Variants in ZNF804A observed in about 807,000 individuals in gnomAD.
ZNF804A encodes zinc finger protein 804A.
A neutral mutation model predicts 16.5 loss-of-function variants in ZNF804A; 2 were observed. The observed-to-expected ratio is 0.12, with a 90% CI of 0.05 to 0.38. ZNF804A has a LOEUF of 0.38. Ranked by LOEUF, ZNF804A falls within the 10% of genes least tolerant of loss-of-function variation. The pLI is 0.99. For missense variants in ZNF804A, 1,473 were observed against 1,390.7 expected (o/e 1.06, Z -0.94); for synonymous variants, 534 against 489.6 (o/e 1.09, Z -1.20).
At chr2:184,915,579 G>A (rs56280129) in intron 2 of ZNF804A, among the ~76,000 whole-genome samples, 82 of 152,206 alleles carry the variant, frequency 5.4e-4, no homozygotes, top group African/African-American at 2.0e-3. Flanking sequence ...GTATTCATGA[G>A]CACTTACAAT....
At position 184,894,227 on chromosome 2, in the gene ZNF804A, T is replaced by A. The variant is rs180690551; in HGVS notation, c.255+27715T>A. 3.9e-5 allele frequency among the ~76,000 whole-genome samples: 6 copies of A among 152,222 alleles called. No homozygotes were observed. In the East Asian group the frequency reaches 1.2e-3, roughly 29 times the overall value. On this transcript the variant is annotated intron_variant, in intron 2 of 3. Transcript: ENST00000302277. ...ACAAAACACTGATGCTGCATTAAGCTTTACTCGGTGAAGGGGTATGCCAAC... is the reference window on the plus strand; with the variant it reads ...ACAAAACACTGATGCTGCATTAAGCATTACTCGGTGAAGGGGTATGCCAAC...
At chr2:184,690,530 G>A (rs1382745575) in intron 1 of ZNF804A, among the ~76,000 whole-genome samples, 1 of 152,026 alleles carries the variant, frequency 6.6e-6, no homozygotes, top group African/African-American at 2.4e-5. Flanking sequence ...TAACCTAGAA[G>A]AGAAATTCTA....
chr2:184,933,815 A>T, intron 3 of ZNF804A, 82 bp downstream of exon 3: 1 of 1,384,430 alleles, frequency 7.2e-7, no homozygotes, highest in South Asian at 1.3e-5. Flanking sequence ...AAAGGGCACA[A>T]ATCTATTTAT....
chr2:184,754,824 G>C (rs1268033069), intron 1 of ZNF804A, among the ~76,000 whole-genome samples: 1 of 151,660 alleles, frequency 6.6e-6, no homozygotes, highest in Non-Finnish European at 1.5e-5. Context: ...AAGTATTCTA[G>C]AAATAGTCTA....
At position 184,937,367 on chromosome 2, in the gene ZNF804A, TAA is replaced by T; in HGVS notation, c.1974_1975del (p.Arg659AlafsTer10). 6.2e-7 allele frequency: 1 copy of T among 1,613,692 alleles called. No homozygotes were observed. Among genetic ancestry groups the T allele is most frequent in the Non-Finnish European group, 8.5e-7 (1 of 1,179,854 alleles). On this transcript the variant is annotated frameshift_variant, in exon 4 of 4. Coordinates refer to ENST00000302277, the MANE Select transcript of ZNF804A (RefSeq NM_194250.2). LOFTEE classifies it low-confidence loss of function (END_TRUNC). The stretch of plus-strand genomic sequence containing the variant: ...TATTAGACTCACATCAGTTACTTGA[TAA>T]AAGGCCCAAATCAGAATCCATATCC... ...QLLDSHQLLD[K>X]RPKSESISLS...
intron 1 of ZNF804A, among the ~76,000 whole-genome samples, chr2:184,753,235 T>G (rs578145186): frequency 6.6e-6 from 1 of 151,788 alleles, no homozygotes; most frequent in South Asian, 2.1e-4. Context: ...AAATTGATAA[T>G]AATTATGTAT....
At chr2:184,817,682 A>G (rs1377790073) in intron 1 of ZNF804A, among the ~76,000 whole-genome samples, 1 of 151,986 alleles carries the variant, frequency 6.6e-6, no homozygotes, top group Non-Finnish European at 1.5e-5. Flanking sequence ...GGAGCTGATA[A>G]CGAGAAGAGC....
chr2:184,799,824 G>A (rs750384934), intron 1 of ZNF804A, among the ~76,000 whole-genome samples: 5 of 152,136 alleles, frequency 3.3e-5, no homozygotes, highest in African/African-American at 4.8e-5. Context: ...GATTACAGGC[G>A]TGAGCCACTG....
chr2:184,883,514 C>T (rs1684841079), intron 2 of ZNF804A, among the ~76,000 whole-genome samples: 1 of 151,772 alleles, frequency 6.6e-6, no homozygotes, highest in Non-Finnish European at 1.5e-5. Flanking sequence ...AAAATAGTTG[C>T]AAAAATCCTC....
chr2:184,845,048 T>C (rs937500714), intron 1 of ZNF804A, among the ~76,000 whole-genome samples: 24 of 152,012 alleles, frequency 1.6e-4, no homozygotes, highest in African/African-American at 4.6e-4. Context: ...TAATTTCTAA[T>C]ATTTTATTTT....
chr2:184,907,089 T>C (rs1339687776), intron 2 of ZNF804A, among the ~76,000 whole-genome samples: 1 of 152,150 alleles, frequency 6.6e-6, no homozygotes, highest in Non-Finnish European at 1.5e-5. Context: ...AGCTTCCAGA[T>C]GAGAACCCAG....
At chr2:184,924,449 CT>C (rs540535507) in intron 2 of ZNF804A, among the ~76,000 whole-genome samples, 2 of 151,386 alleles carry the variant, frequency 1.3e-5, no homozygotes, top group Non-Finnish European at 3.0e-5. Flanking sequence ...GATCTTCTCT[CT>C]TTTTTTTCTT....
chr2:184,731,053 G>A lies in ZNF804A; in HGVS notation c.111+131983G>A, dbSNP rs546361017. Among the ~76,000 whole-genome samples the A allele has an allele frequency of 6.6e-5, 10 of 151,660 alleles. No individual in the cohort carries two copies. The East Asian group carries it at 1.9e-3, about 29-fold the overall frequency. On this transcript the variant is annotated intron_variant, in intron 1 of 3. Coordinates refer to ENST00000302277, the MANE Select transcript of ZNF804A (RefSeq NM_194250.2). Reference sequence around the variant, plus strand: ...AGGTCAGGAGTTCGAGACCAGCCTGGTCAACATGGTGAAACCCTGAAGCCC... The same window carrying A: ...AGGTCAGGAGTTCGAGACCAGCCTGATCAACATGGTGAAACCCTGAAGCCC...
chr2:184,621,468 G>C (rs190313974), intron 1 of ZNF804A, among the ~76,000 whole-genome samples: 8 of 151,628 alleles, frequency 5.3e-5, no homozygotes, highest in Admixed American at 4.6e-4. Flanking sequence ...AATTTCTGCC[G>C]TATTGTTCCT....
At chr2:184,736,543 A>G (rs554968295) in intron 1 of ZNF804A, among the ~76,000 whole-genome samples, 38 of 152,204 alleles carry the variant, frequency 2.5e-4, no homozygotes, top group African/African-American at 8.4e-4. Flanking sequence ...ATGGGAACAC[A>G]TGGACACAGG....
intron 1 of ZNF804A, among the ~76,000 whole-genome samples, chr2:184,787,473 A>G (rs1321936869): frequency 1.3e-5 from 2 of 151,964 alleles, no homozygotes; most frequent in Non-Finnish European, 2.9e-5. Context: ...ATTGCTACCA[A>G]CAGTGTCTGA....
intron 1 of ZNF804A, among the ~76,000 whole-genome samples, chr2:184,844,461 T>G (rs1695483951): frequency 6.6e-6 from 1 of 152,124 alleles, no homozygotes; most frequent in East Asian, 1.9e-4. Context: ...TCTGTTTCAC[T>G]TTTGAGAAAT....
chr2:184,898,160 C>A (rs950835640), intron 2 of ZNF804A, among the ~76,000 whole-genome samples: 1 of 152,056 alleles, frequency 6.6e-6, no homozygotes, highest in African/African-American at 2.4e-5. Flanking sequence ...CTATACTTAA[C>A]CCTGTGTTAT....
intron 1 of ZNF804A, among the ~76,000 whole-genome samples, chr2:184,690,609 A>G (rs1198574185): frequency 6.6e-6 from 1 of 152,060 alleles, no homozygotes; most frequent in Non-Finnish European, 1.5e-5. Flanking sequence ...AGAGGGGAAC[A>G]GTTTTTAGCA....
Sources: gnomAD v4.1 joint callset for allele counts (sites outside exome capture counted in the v4.1 genomes callset) on GRCh38, gnomAD v4.1.1 for gene constraint, MANE v1.5 for transcripts, NCBI Gene and HGNC (gene_info 2026-07-23, HGNC 2026-07-21) for gene names.